SPATA9: variants seen among roughly 807,000 people sequenced by gnomAD.
The protein encoded by SPATA9 is spermatogenesis-associated protein 9.
Under a neutral mutation model 25.5 loss-of-function variants are expected in SPATA9, and 27 were observed. The ratio of observed to expected loss-of-function variants is 1.06; its 90% CI spans 0.78 to 1.46. The LOEUF (loss-of-function observed/expected upper bound fraction) is 1.46, where lower values mean the gene tolerates loss of function less well. Among genes scored for constraint, SPATA9 ranks in the 40% most tolerant of loss-of-function variants. The probability of loss-of-function intolerance (pLI) is 0.00; values close to 1 mark genes in which losing one functional copy is unlikely to be tolerated. For synonymous variants in SPATA9, 102 were observed against 105.7 expected, an observed-to-expected ratio of 0.97 and a Z score of 0.21; for missense variants, 282 against 297.5, an observed-to-expected ratio of 0.95 and a Z score of 0.38.
chr5:95,652,379 C>T, downstream of SPATA9: 1 of 1,541,088 alleles, frequency 6.5e-7, no homozygotes, highest in Non-Finnish European at 8.8e-7. Context: ...GTTTTTCTCT[C>T]TAGAAATTCT....
intron 3 of SPATA9, 56 bp from the exon 4 acceptor site, chr5:95,664,104 C>A (rs1751535433): frequency 9.8e-7 from 1 of 1,017,164 alleles, no homozygotes; most frequent in Non-Finnish European, 1.4e-6. Context: ...GTTTCAATGT[C>A]ATATTGTACA....
upstream of SPATA9, among the ~76,000 whole-genome samples, chr5:95,685,780 C>A (rs927781483): frequency 2.0e-5 from 3 of 152,176 alleles, no homozygotes; most frequent in Non-Finnish European, 4.4e-5. Context: ...AGTATCAATA[C>A]AAATACATTG....
chr5:95,727,117 T>A, the SPATA9 span, among the ~76,000 whole-genome samples: 1 of 152,218 alleles, frequency 6.6e-6, no homozygotes, highest in African/African-American at 2.4e-5. Context: ...CCCATCTTTT[T>A]AATGAAAATG....
chr5:95,708,311 A>AT, the SPATA9 span, among the ~76,000 whole-genome samples: 298 of 150,446 alleles, frequency 2.0e-3, 4 homozygotes, highest in African/African-American at 6.2e-3. Flanking sequence ...TGAGACCAGG[A>AT]TTTTTTTTTT....
the SPATA9 span, among the ~76,000 whole-genome samples, chr5:95,712,213 C>T: frequency 6.6e-6 from 1 of 152,164 alleles, no homozygotes; most frequent in Admixed American, 6.5e-5. Flanking sequence ...CAAATGATGG[C>T]AAGCTGTTTC....
chr5:95,709,292 T>C, the SPATA9 span, among the ~76,000 whole-genome samples: 1 of 152,326 alleles, frequency 6.6e-6, no homozygotes, highest in South Asian at 2.1e-4. Context: ...GTGATATTTC[T>C]GCCAAATGGG....
At chr5:95,690,794 A>G (rs1484220313) in intron 1 of SPATA9, among the ~76,000 whole-genome samples, 1 of 152,236 alleles carries the variant, frequency 6.6e-6, no homozygotes, top group Non-Finnish European at 1.5e-5. Flanking sequence ...AGAGCTTCTC[A>G]AACTATAGTG....
At chr5:95,665,499 T>G (rs1751702946) in intron 3 of SPATA9, among the ~76,000 whole-genome samples, 2 of 152,328 alleles carry the variant, frequency 1.3e-5, no homozygotes, top group Admixed American at 6.5e-5. Context: ...TGTGCCTGGC[T>G]TATTTCATTT....
At chr5:95,682,694 A>T in intron 1 of SPATA9, 78 bp from the exon 2 acceptor site, 8 of 1,512,798 alleles carry the variant, frequency 5.3e-6, no homozygotes, top group Non-Finnish European at 6.3e-6. Context: ...GAAACACTTG[A>T]TCAAATTCCT....
the SPATA9 span, among the ~76,000 whole-genome samples, chr5:95,720,916 G>T: frequency 6.6e-6 from 1 of 152,048 alleles, no homozygotes; most frequent in African/African-American, 2.4e-5. Flanking sequence ...ATATTTTACC[G>T]AAGAAAAGGA....
chr5:95,714,129 A>C, the SPATA9 span, among the ~76,000 whole-genome samples: 3 of 151,992 alleles, frequency 2.0e-5, no homozygotes, highest in Non-Finnish European at 4.4e-5. Context: ...GTTTGCATAA[A>C]TATATTATTT....
intron 1 of SPATA9, among the ~76,000 whole-genome samples, chr5:95,695,062 A>G (rs185005881): frequency 6.6e-6 from 1 of 152,370 alleles, no homozygotes; most frequent in Admixed American, 6.5e-5. Flanking sequence ...TACATACAGT[A>G]TGAAGTCTTT....
chr5:95,675,542 G>C lies in SPATA9; in HGVS notation c.248C>G (p.Ser83Cys). 1.2e-6 allele frequency: 2 copies of C among 1,614,152 alleles called. No individual in the cohort carries two copies. Among genetic ancestry groups the C allele is most frequent in the South Asian group, 1.1e-5 (1 of 91,080 alleles). Residue 83 changes from serine to cysteine, a missense_variant, in exon 3 of 5, where the codon TCC (serine) becomes TGC (cysteine). By Grantham distance (112) the Ser-to-Cys change is moderately radical. Coordinates refer to ENST00000274432, the MANE Select transcript of SPATA9 (RefSeq NM_031952.4). ...ATLIRGLNSISRSSKSVAKLL... is the reference protein window; with the variant it reads ...ATLIRGLNSICRSSKSVAKLL... The stretch of plus-strand genomic sequence containing the variant: ...TTTGGCCACTGATTTGGAGGATCTG[G>C]ATATGCTGTTTAATCCACGAATTAA...
chr5:95,662,012 T>C (rs749778458), intron 4 of SPATA9, among the ~76,000 whole-genome samples: 1 of 152,156 alleles, frequency 6.6e-6, no homozygotes, highest in South Asian at 2.1e-4. Flanking sequence ...AGAGGACTTA[T>C]TCTCCCAGTT....
At chr5:95,711,706 G>C in the SPATA9 span, among the ~76,000 whole-genome samples, 161 of 152,354 alleles carry the variant, frequency 1.1e-3, no homozygotes, top group Non-Finnish European at 2.0e-3. Flanking sequence ...GGCAGTACAG[G>C]GGGAGCCGAA....
At position 95,682,911 on chromosome 5, in the gene SPATA9, T is replaced by C; in HGVS notation, c.-57A>G. 6.9e-7 allele frequency: 1 copy of C among 1,448,646 alleles called. No homozygotes were observed. Among genetic ancestry groups the C allele is most frequent in the Non-Finnish European group, 9.1e-7 (1 of 1,100,456 alleles). The allele number at this position is 1,448,646 out of a possible 1,614,324, so 89.7% of individuals were successfully genotyped here. A position where few individuals can be genotyped will look rare whatever the true frequency, so the allele number is the denominator to read the frequency against. On this transcript the variant is annotated 5_prime_UTR_variant, in exon 1 of 5. Transcript: ENST00000274432. ...ACAAGCTTGCAGGCCTGGGTAATGC[T>C]TGTCCTAGTCTGCCATTAGTGAAAG... is the stretch of plus-strand genomic sequence containing the variant.
chr5:95,727,008 A>G, the SPATA9 span, among the ~76,000 whole-genome samples: 2 of 151,250 alleles, frequency 1.3e-5, no homozygotes, highest in Non-Finnish European at 2.9e-5. Context: ...TTAGAAGTTT[A>G]TTCTGGAATT....
chr5:95,731,917 C>T, the SPATA9 span: 2 of 1,614,126 alleles, frequency 1.2e-6, no homozygotes, highest in Non-Finnish European at 1.7e-6. Context: ...GGACAACCGG[C>T]CGTCGGGGCT....
At chr5:95,732,088 A>C in the SPATA9 span, 1 of 1,613,238 alleles carries the variant, frequency 6.2e-7, no homozygotes, top group Non-Finnish European at 8.5e-7. Context: ...CGTCTGGGTA[A>C]GGAAGAGCAG....
Sources: gnomAD v4.1 joint callset for allele counts (sites outside exome capture counted in the v4.1 genomes callset) on GRCh38, gnomAD v4.1.1 for gene constraint, MANE v1.5 for transcripts, NCBI Gene and HGNC (gene_info 2026-07-23, HGNC 2026-07-21) for gene names.